Variants in DAAM1 observed in about 807,000 individuals in gnomAD.
The protein encoded by DAAM1 is disheveled-associated activator of morphogenesis 1.
Under a neutral mutation model 130.0 loss-of-function variants are expected in DAAM1, and 52 were observed. The ratio of observed to expected loss-of-function variants is 0.40; its 90% CI spans 0.32 to 0.50. The LOEUF (loss-of-function observed/expected upper bound fraction) is 0.50. DAAM1 is among the 20% of genes least tolerant of loss of function. DAAM1 has a pLI of 0.61. For missense variants in DAAM1, 1,134 were observed against 1,303.8 expected, an observed-to-expected ratio of 0.87 and a Z score of 2.01; for synonymous variants, 452 against 444.5, an observed-to-expected ratio of 1.02 and a Z score of -0.21.
intron 1 of DAAM1, among the ~76,000 whole-genome samples, chr14:59,205,349 G>T (rs1215934701): frequency 6.6e-6 from 1 of 152,234 alleles, no homozygotes; most frequent in Non-Finnish European, 1.5e-5. Flanking sequence ...AGGTTTTCCA[G>T]ATTCCTATTA....
intron 1 of DAAM1, among the ~76,000 whole-genome samples, chr14:59,211,718 C>T (rs1356594856): frequency 6.6e-6 from 1 of 152,104 alleles, no homozygotes; most frequent in Non-Finnish European, 1.5e-5. Flanking sequence ...TAAATAACAC[C>T]TCCAGTGTAA....
chr14:59,367,285 C>G, intron 23 of DAAM1, 144 bp from the exon 24 acceptor site: 2 of 1,366,210 alleles, frequency 1.5e-6, no homozygotes, highest in Non-Finnish European at 1.9e-6. Context: ...AACTCCATCT[C>G]CAAAAGAAAG....
chr14:59,366,773 G>A (rs995487158), intron 23 of DAAM1, among the ~76,000 whole-genome samples: 3 of 152,144 alleles, frequency 2.0e-5, no homozygotes, highest in African/African-American at 7.2e-5. Flanking sequence ...ACTCAGCCGG[G>A]TGCAGCGGCA....
chr14:59,213,081 T>G (rs1888476452), intron 1 of DAAM1, among the ~76,000 whole-genome samples: 1 of 151,776 alleles, frequency 6.6e-6, no homozygotes, highest in Non-Finnish European at 1.5e-5. Context: ...AAATCGTTAG[T>G]CTTTCCATTT....
At chr14:59,278,944 G>T (rs1594796007) in intron 2 of DAAM1, among the ~76,000 whole-genome samples, 3 of 74,594 alleles carry the variant, frequency 4.0e-5, no homozygotes, top group Admixed American at 3.8e-4. Context: ...TGTTCAAACA[G>T]AATTTTCTTT....
At position 59,368,671 on chromosome 14, in the gene DAAM1, G is replaced by A; in HGVS notation, c.3019G>A (p.Glu1007Lys). The A allele has an allele frequency of 2.5e-6, 4 of 1,613,300 alleles. No individual in the cohort carries two copies. Among genetic ancestry groups the A allele is most frequent in the Non-Finnish European group, 3.4e-6 (4 of 1,179,548 alleles). Residue 1007 changes from glutamate (E) to lysine (K), a missense_variant, in exon 25 of 25, where the codon GAA becomes AAA. By Grantham distance (56) the Glu-to-Lys change is moderately conservative. Around this residue, in one of 3 missense-constraint regions of DAAM1, gnomAD observed 644 missense variants for 695.9 expected, o/e 0.93. Transcript: ENST00000360909. ...EAQLKEQRER[E>K]RKMRKAKENS... ...GCAGCTCAAAGAACAACGTGAAAGG[G>A]AACGTAAAATGAGAAAAGCTAAAGA...
At chr14:59,219,071 T>G (rs1888683530) in intron 1 of DAAM1, among the ~76,000 whole-genome samples, 1 of 152,208 alleles carries the variant, frequency 6.6e-6, no homozygotes, top group East Asian at 1.9e-4. Context: ...TTTCTTTCAT[T>G]TCCATTAACT....
intron 15 of DAAM1, among the ~76,000 whole-genome samples, chr14:59,334,519 CAGAG>C (rs901969875): frequency 6.6e-5 from 10 of 152,270 alleles, no homozygotes; most frequent in African/African-American, 2.4e-4. Context: ...ATACAATTCT[CAGAG>C]AGGCAAAGGA....
In DAAM1 at chr14:59,233,471, C is replaced by G. The variant is rs186554496; in HGVS notation, c.-37-29970C>G. On this transcript the variant is annotated intron_variant, in intron 1 of 24. Coordinates refer to ENST00000360909, the MANE Select transcript of DAAM1 (RefSeq NM_001270520.2). ...AGTGTCTGTTCATATCCTTTGCCCA[C>G]TTTTTGATGGGGTCGTTTGTGTTTT... Among the ~76,000 whole-genome samples the G allele has an allele frequency of 3.1e-4, 47 of 152,260 alleles. 1 individual carries two copies. Among genetic ancestry groups the G allele is most frequent in the African/African-American group, 1.1e-3 (44 of 41,564 alleles).
intron 2 of DAAM1, 124 bp from the exon 3 acceptor site, chr14:59,291,093 T>C (rs945848890): frequency 3.7e-6 from 3 of 801,544 alleles, no homozygotes; most frequent in Admixed American, 3.2e-5. Flanking sequence ...TTCTTGATCT[T>C]TTTCAAGTTC....
intron 1 of DAAM1, among the ~76,000 whole-genome samples, chr14:59,255,192 C>G (rs965783323): frequency 1.3e-5 from 2 of 152,172 alleles, no homozygotes; most frequent in African/African-American, 4.8e-5. Context: ...GGGTGAAGTT[C>G]CAGGAGCCAC....
At chr14:59,254,387 C>T (rs1194100962) in intron 1 of DAAM1, among the ~76,000 whole-genome samples, 1 of 152,182 alleles carries the variant, frequency 6.6e-6, no homozygotes, top group Non-Finnish European at 1.5e-5. Context: ...TTTGATGTGA[C>T]AAAGCTGGCT....
intron 17 of DAAM1, among the ~76,000 whole-genome samples, chr14:59,349,142 C>T (rs1262199812): frequency 6.6e-6 from 1 of 152,200 alleles, no homozygotes; most frequent in Non-Finnish European, 1.5e-5. Flanking sequence ...CAGTGCTCTG[C>T]CCCTCCCAGG....
intron 3 of DAAM1, among the ~76,000 whole-genome samples, chr14:59,295,389 T>C (rs773560069): frequency 3.0e-4 from 46 of 152,350 alleles, no homozygotes; most frequent in Non-Finnish European, 5.9e-4. Context: ...GCTAGGTACA[T>C]ACTGAAGACA....
chr14:59,329,926 A>G (rs902768349), intron 12 of DAAM1, among the ~76,000 whole-genome samples: 1 of 152,216 alleles, frequency 6.6e-6, no homozygotes, highest in Admixed American at 6.5e-5. Context: ...TGAAAGCATA[A>G]AATACTTCAA....
chr14:59,341,147 A>C (rs995981341), intron 16 of DAAM1, among the ~76,000 whole-genome samples: 2 of 152,166 alleles, frequency 1.3e-5, no homozygotes, highest in African/African-American at 2.4e-5. Context: ...CAGGGAGCAA[A>C]TGTTTCTTTT....
chr14:59,260,543 T>C (rs868507215), intron 1 of DAAM1, among the ~76,000 whole-genome samples: 10 of 152,212 alleles, frequency 6.6e-5, no homozygotes, highest in Admixed American at 5.9e-4. Context: ...TGCTTGGTAG[T>C]CTGTTATCTA....
chr14:59,211,452 G>A (rs891339860), intron 1 of DAAM1, among the ~76,000 whole-genome samples: 2 of 152,206 alleles, frequency 1.3e-5, no homozygotes, highest in African/African-American at 4.8e-5. Flanking sequence ...TGTAATAGTT[G>A]TTACAAGAGG....
intron 1 of DAAM1, among the ~76,000 whole-genome samples, chr14:59,239,012 G>C (rs1217821115): frequency 6.6e-6 from 1 of 152,070 alleles, no homozygotes; most frequent in African/African-American, 2.4e-5. Flanking sequence ...CTTAGGAGTG[G>C]GTGACCCTAT....
Sources: allele counts gnomAD v4.1 joint callset (sites outside exome capture counted in the v4.1 genomes callset), GRCh38; gene constraint gnomAD v4.1.1; regional missense constraint gnomAD v4.1.1; transcripts MANE v1.5; gene names NCBI Gene and HGNC (gene_info 2026-07-23, HGNC 2026-07-21).